Variants in PRR16 observed in about 807,000 individuals in gnomAD.
PRR16 encodes the protein protein Largen.
In PRR16, 6 loss-of-function variants were observed where a neutral mutation model predicts 18.2. That is an observed-to-expected ratio of 0.33 (90% CI 0.18 to 0.65). PRR16 has a LOEUF of 0.65. Ranked by LOEUF, PRR16 falls within the 30% of genes least tolerant of loss-of-function variation. The pLI is 0.74. For synonymous variants in PRR16, 151 were observed against 147.8 expected (o/e 1.02, Z -0.16); for missense variants, 412 against 376.6 (o/e 1.09, Z -0.78).
At chr5:120,646,270 G>A (rs1186565170) in intron 1 of PRR16, among the ~76,000 whole-genome samples, 1 of 151,440 alleles carries the variant, frequency 6.6e-6, no homozygotes, top group Non-Finnish European at 1.5e-5. Flanking sequence ...ATCATACCAG[G>A]ATTATTTATT....
chr5:120,653,761 G>A (rs1039252560), intron 1 of PRR16, among the ~76,000 whole-genome samples: 5 of 151,880 alleles, frequency 3.3e-5, no homozygotes, highest in Non-Finnish European at 1.5e-5. Context: ...TCCAGTCCCT[G>A]ATGGGCAGCC....
At chr5:120,703,835 G>A in the PRR16 span, among the ~76,000 whole-genome samples, 2 of 152,142 alleles carry the variant, frequency 1.3e-5, no homozygotes, top group Non-Finnish European at 2.9e-5. Context: ...CATGAAATAA[G>A]GAAAGTTATT....
At chr5:120,576,849 G>C (rs191242457) in intron 1 of PRR16, among the ~76,000 whole-genome samples, 2 of 152,046 alleles carry the variant, frequency 1.3e-5, no homozygotes, top group Admixed American at 1.3e-4. Context: ...GCCACCTGCA[G>C]GTCTTGAGAG....
chr5:120,730,399 G>A, the PRR16 span, among the ~76,000 whole-genome samples: 4 of 152,108 alleles, frequency 2.6e-5, no homozygotes, highest in African/African-American at 9.7e-5. Flanking sequence ...CCAGAAATAG[G>A]TGTCCAACTA....
At chr5:120,758,142 G>A in the PRR16 span, among the ~76,000 whole-genome samples, 56 of 152,034 alleles carry the variant, frequency 3.7e-4, 1 homozygote, top group African/African-American at 1.3e-3. Flanking sequence ...ATGCATTTAG[G>A]TCAGTAACTT....
the PRR16 span, among the ~76,000 whole-genome samples, chr5:120,772,932 C>T: frequency 3.9e-5 from 6 of 152,236 alleles, no homozygotes; most frequent in African/African-American, 1.2e-4. Context: ...ATATACTAGA[C>T]ATTTTGGACT....
chr5:120,770,289 C>G, the PRR16 span, among the ~76,000 whole-genome samples: 1 of 151,850 alleles, frequency 6.6e-6, no homozygotes, highest in Non-Finnish European at 1.5e-5. Context: ...ATAAATAAAT[C>G]CATTCATACA....
chr5:120,771,389 T>C, the PRR16 span, among the ~76,000 whole-genome samples: 107 of 152,158 alleles, frequency 7.0e-4, no homozygotes, highest in African/African-American at 2.4e-3. Flanking sequence ...AGCCAGAGAA[T>C]AGCCTAAGAG....
chr5:120,767,032 A>G, the PRR16 span, among the ~76,000 whole-genome samples: 2 of 151,996 alleles, frequency 1.3e-5, no homozygotes, highest in Non-Finnish European at 2.9e-5. Context: ...TAATAAAACA[A>G]GAATGTTTAT....
chr5:120,776,028 C>T, the PRR16 span, among the ~76,000 whole-genome samples: 1 of 151,976 alleles, frequency 6.6e-6, no homozygotes, highest in African/African-American at 2.4e-5. Context: ...TGGTAACATC[C>T]TAACTACAGC....
chr5:120,695,912 T>G, the PRR16 span, among the ~76,000 whole-genome samples: 2 of 121,968 alleles, frequency 1.6e-5, no homozygotes, highest in Non-Finnish European at 3.3e-5. Flanking sequence ...AAAAAAATCT[T>G]ATTCCAACAT....
chr5:120,601,310 T>C (rs1239841747), intron 1 of PRR16, among the ~76,000 whole-genome samples: 1 of 152,136 alleles, frequency 6.6e-6, no homozygotes, highest in Non-Finnish European at 1.5e-5. Context: ...TTGATTTGCA[T>C]TTCTCTGATG....
At chr5:120,506,750 A>C (rs1425847801) in intron 1 of PRR16, among the ~76,000 whole-genome samples, 1 of 152,040 alleles carries the variant, frequency 6.6e-6, no homozygotes, top group African/African-American at 2.4e-5. Flanking sequence ...TGGTGGCAAG[A>C]TGGCTGCTGC....
chr5:120,485,261 T>C (rs948977247), intron 1 of PRR16, among the ~76,000 whole-genome samples: 2 of 152,214 alleles, frequency 1.3e-5, no homozygotes, highest in Non-Finnish European at 1.5e-5. Context: ...ATAATTGAGC[T>C]TTTGTAAATA....
Position 120,684,095 on chromosome 5 carries a change from T to C in PRR16, c.160-1859T>C, listed in dbSNP as rs1038548610. 4.6e-5 allele frequency among the ~76,000 whole-genome samples: 7 copies of C among 152,276 alleles called. No homozygotes were observed. In the South Asian group the frequency reaches 1.5e-3, roughly 32 times the overall value. On this transcript the variant is annotated intron_variant, in intron 1 of 1. Coordinates refer to ENST00000407149, the MANE Select transcript of PRR16 (RefSeq NM_001300783.2). ...TATTTAGGAGCTAAAATAGAAGGACTTGTTCTCCTGACCAGAAGGTGAGTG... is the reference window on the plus strand; with the variant it reads ...TATTTAGGAGCTAAAATAGAAGGACCTGTTCTCCTGACCAGAAGGTGAGTG...
chr5:120,658,854 G>A (rs993291084), intron 1 of PRR16, among the ~76,000 whole-genome samples: 1 of 151,802 alleles, frequency 6.6e-6, no homozygotes, highest in Non-Finnish European at 1.5e-5. Flanking sequence ...TCTTGCACTT[G>A]TTCATCTAAA....
Position 120,672,285 on chromosome 5 carries a change from G to T in PRR16, c.160-13669G>T, listed in dbSNP as rs553736062. On this transcript the variant is annotated intron_variant, in intron 1 of 1. Transcript: ENST00000407149. Reference sequence around the variant, plus strand: ...GTGTGTGTGTGTGTGTGTGTGTTGTGGGGGGAAACAGAGGAACTAGTCCTA... The same window carrying T: ...GTGTGTGTGTGTGTGTGTGTGTTGTTGGGGGAAACAGAGGAACTAGTCCTA... Among the ~76,000 whole-genome samples, 14 of 115,298 alleles carry T rather than the reference G, an allele frequency of 1.2e-4. No homozygotes were observed. In the South Asian group the frequency reaches 3.9e-3, roughly 32 times the overall value. 75.6% of individuals were successfully genotyped at this position (115,298 alleles called of 152,430 possible).
intron 1 of PRR16, among the ~76,000 whole-genome samples, chr5:120,614,158 G>T (rs1754427486): frequency 1.3e-5 from 2 of 152,132 alleles, no homozygotes; most frequent in African/African-American, 4.8e-5. Flanking sequence ...CGTGAGACAT[G>T]TTTTAAAAAT....
At chr5:120,595,594 C>T (rs950465971) in intron 1 of PRR16, among the ~76,000 whole-genome samples, 3 of 151,772 alleles carry the variant, frequency 2.0e-5, no homozygotes, top group Admixed American at 2.0e-4. Context: ...ATGCTTAGTA[C>T]CTGAGTAACA....
Sources: allele counts gnomAD v4.1 joint callset (sites outside exome capture counted in the v4.1 genomes callset), GRCh38; gene constraint gnomAD v4.1.1; transcripts MANE v1.5; gene names NCBI Gene and HGNC (gene_info 2026-07-23, HGNC 2026-07-21).